Variants in ICA1 observed in about 807,000 individuals in gnomAD.
The protein encoded by ICA1 is 69 kDa islet cell autoantigen.
A neutral mutation model predicts 71.0 loss-of-function variants in ICA1; 40 were observed. The ratio of observed to expected loss-of-function variants is 0.56; its 90% CI spans 0.44 to 0.73. The LOEUF (loss-of-function observed/expected upper bound fraction) is 0.73, where lower values mean the gene tolerates loss of function less well. Among genes scored for constraint, ICA1 ranks in the 30% least tolerant of loss-of-function variants. The pLI is 0.00. For missense variants in ICA1, 578 were observed against 576.5 expected, an observed-to-expected ratio of 1.00 and a Z score of -0.03; for synonymous variants, 207 against 209.5, an observed-to-expected ratio of 0.99 and a Z score of 0.10.
At chr7:8,188,697 T>A (rs1784622872) in intron 6 of ICA1, among the ~76,000 whole-genome samples, 1 of 152,038 alleles carries the variant, frequency 6.6e-6, no homozygotes, top group Non-Finnish European at 1.5e-5. Flanking sequence ...AACTTGGGAG[T>A]ACCAGAGTTG....
At chr7:8,136,514 T>C (rs1370258944) in intron 12 of ICA1, among the ~76,000 whole-genome samples, 1 of 152,230 alleles carries the variant, frequency 6.6e-6, no homozygotes, top group Admixed American at 6.5e-5. Flanking sequence ...TGAGAGAATA[T>C]TTTTATTCTA....
At chr7:8,213,635 G>A (rs889983831) in intron 6 of ICA1, among the ~76,000 whole-genome samples, 14 of 152,156 alleles carry the variant, frequency 9.2e-5, no homozygotes, top group African/African-American at 2.9e-4. Flanking sequence ...AATGATTTCA[G>A]CAGTAATTAA....
chr7:8,152,545 T>TCACCACCTCCACCAC (rs1562697623), intron 8 of ICA1, among the ~76,000 whole-genome samples: 1 of 126,528 alleles, frequency 7.9e-6, no homozygotes, highest in Admixed American at 7.8e-5. Context: ...GCTATTACCA[T>TCACCACCTCCACCAC]CACCACCTCC....
At chr7:8,229,634 T>C (rs529053488) in intron 3 of ICA1, among the ~76,000 whole-genome samples, 10 of 152,364 alleles carry the variant, frequency 6.6e-5, no homozygotes, top group African/African-American at 2.2e-4. Context: ...TACATTTGCG[T>C]GAACACAGAT....
At chr7:8,133,147 G>C (rs1792098111) in intron 12 of ICA1, among the ~76,000 whole-genome samples, 1 of 152,144 alleles carries the variant, frequency 6.6e-6, no homozygotes, top group African/African-American at 2.4e-5. Flanking sequence ...GAGGAACAGA[G>C]ACCTGAGGGA....
rs575755648 is a variant in ICA1 at position 8,224,338 on chromosome 7, T to C, written c.257-2940A>G. Among the ~76,000 whole-genome samples, 78 of 152,128 alleles carry C rather than the reference T, an allele frequency of 5.1e-4. 1 individual carries two copies. The South Asian group carries it at 0.016, about 30-fold the overall frequency. ...GGAGTTTGGTGGACAAGGGAAAAGG[T>C]GACTGAAGAGGTGAACTGGGGCCAG... On this transcript the variant is annotated intron_variant, in intron 4 of 13. Transcript: ENST00000402384.
At chr7:8,192,308 G>A (rs1389987257) in intron 6 of ICA1, among the ~76,000 whole-genome samples, 1 of 152,038 alleles carries the variant, frequency 6.6e-6, no homozygotes, top group Non-Finnish European at 1.5e-5. Context: ...TCTTTTTTCA[G>A]GGCAGGTATT....
chr7:8,209,477 T>C lies in ICA1; in HGVS notation c.579+8828A>G, dbSNP rs543232107. 4.6e-5 allele frequency among the ~76,000 whole-genome samples: 7 copies of C among 152,320 alleles called. No individual in the cohort carries two copies. The South Asian group carries it at 1.5e-3, about 32-fold the overall frequency. Reference sequence around the variant, plus strand: ...ATACCTGAGTCTCATTTTTGTTCAATGGAAGGATTAAATTTCAGTAATACA... The same window carrying C: ...ATACCTGAGTCTCATTTTTGTTCAACGGAAGGATTAAATTTCAGTAATACA... On this transcript the variant is annotated intron_variant, in intron 6 of 13. Coordinates refer to ENST00000402384, the MANE Select transcript of ICA1 (RefSeq NM_001136020.3).
intron 4 of ICA1, among the ~76,000 whole-genome samples, chr7:8,228,127 G>C (rs1473611647): frequency 6.6e-6 from 1 of 152,140 alleles, no homozygotes; most frequent in Non-Finnish European, 1.5e-5. Flanking sequence ...TTTTAAAACA[G>C]TGTGACTATA....
At chr7:8,126,356 G>A (rs1022078371) in intron 13 of ICA1, among the ~76,000 whole-genome samples, 3 of 152,096 alleles carry the variant, frequency 2.0e-5, no homozygotes, top group Non-Finnish European at 2.9e-5. Context: ...TAGTCAGTTG[G>A]CAGCCTTACT....
chr7:8,135,485 T>C (rs1457038787), intron 12 of ICA1, among the ~76,000 whole-genome samples: 1 of 152,084 alleles, frequency 6.6e-6, no homozygotes, highest in Non-Finnish European at 1.5e-5. Context: ...GGAAAGTTCA[T>C]GAGAAAAGAG....
At chr7:8,145,080 CTG>C (rs1330295454) in intron 8 of ICA1, among the ~76,000 whole-genome samples, 1 of 152,222 alleles carries the variant, frequency 6.6e-6, no homozygotes, top group Non-Finnish European at 1.5e-5. Flanking sequence ...CACTTCCAAA[CTG>C]CCAGCTCTGT....
intron 13 of ICA1, among the ~76,000 whole-genome samples, chr7:8,119,582 A>G (rs1304191588): frequency 6.6e-6 from 1 of 152,076 alleles, no homozygotes; most frequent in Non-Finnish European, 1.5e-5. Context: ...GTGGTGGCTC[A>G]CGTCTGTAAT....
chr7:8,218,294 A>G lies in ICA1; in HGVS notation c.579+11T>C. The stretch of plus-strand genomic sequence containing the variant: ...GGTACCCCTTCTGCTAACCCTCATA[A>G]AACCTCCTACCTTCCTGAACTTCTC... On this transcript the variant is annotated intron_variant, in intron 6 of 13. Transcript: ENST00000402384. The G allele has an allele frequency of 6.2e-7, 1 of 1,613,750 alleles. No individual in the cohort carries two copies. Among genetic ancestry groups the G allele is most frequent in the Non-Finnish European group, 8.5e-7 (1 of 1,179,716 alleles).
intron 6 of ICA1, among the ~76,000 whole-genome samples, chr7:8,184,168 C>T (rs370764591): frequency 3.9e-5 from 6 of 152,306 alleles, no homozygotes; most frequent in African/African-American, 1.4e-4. Flanking sequence ...TCTAAATTGG[C>T]AAATGTGGTG....
chr7:8,237,958 T>C (rs1394387492), intron 1 of ICA1, among the ~76,000 whole-genome samples: 5 of 152,118 alleles, frequency 3.3e-5, no homozygotes, highest in Non-Finnish European at 7.4e-5. Flanking sequence ...GTCAAATTCA[T>C]TGACAGGTTC....
chr7:8,206,752 A>G (rs113573550), intron 6 of ICA1, among the ~76,000 whole-genome samples: 1 of 148,338 alleles, frequency 6.7e-6, no homozygotes, highest in Non-Finnish European at 1.5e-5. Context: ...AAAAAAAAAA[A>G]AAAGAAAGAG....
intron 6 of ICA1, among the ~76,000 whole-genome samples, chr7:8,181,793 C>T (rs553606057): frequency 3.9e-5 from 6 of 152,182 alleles, no homozygotes; most frequent in Non-Finnish European, 8.8e-5. Flanking sequence ...GTATTCACAT[C>T]ACCTTTCTTA....
chr7:8,198,326 G>T (rs1788397503), intron 6 of ICA1, among the ~76,000 whole-genome samples: 1 of 152,192 alleles, frequency 6.6e-6, no homozygotes, highest in South Asian at 2.1e-4. Flanking sequence ...TATGAGCAAA[G>T]CATTGTTTGG....
Sources: allele counts gnomAD v4.1 joint callset (sites outside exome capture counted in the v4.1 genomes callset), GRCh38; gene constraint gnomAD v4.1.1; transcripts MANE v1.5; gene names NCBI Gene and HGNC (gene_info 2026-07-23, HGNC 2026-07-21).